The following SGSM1 variants were observed in gnomAD, a reference collection of about 807,000 sequenced individuals.
SGSM1 encodes the protein RUN and TBC1 domain containing 2.
In SGSM1, 73 loss-of-function variants were observed where a neutral mutation model predicts 133.8. The ratio of observed to expected loss-of-function variants is 0.55; its 90% CI spans 0.45 to 0.66. SGSM1 has a LOEUF of 0.66. Ranked by LOEUF, SGSM1 falls within the 30% of genes least tolerant of loss-of-function variation. The pLI is 0.00. For synonymous variants in SGSM1, 563 were observed against 573.0 expected (o/e 0.98, Z 0.25); for missense variants, 1,213 against 1,448.1 (o/e 0.84, Z 2.64).
Position 24,886,591 on chromosome 22 carries a change from C to G in SGSM1, c.1642-9C>G, listed in dbSNP as rs1170044033. ...GACCAAACTCTTTGCTCCTCTCCAC[C>G]CACCACAGAGTTACGAGGAGCAGGA... On this transcript the variant is annotated splice_polypyrimidine_tract_variant and intron_variant, in intron 15 of 24. Coordinates refer to ENST00000400358, the MANE Select transcript of SGSM1 (RefSeq NM_001098497.3). 3 of 1,551,558 alleles carry G rather than the reference C, an allele frequency of 1.9e-6. No homozygotes were observed. Among genetic ancestry groups the G allele is most frequent in the Non-Finnish European group, 2.6e-6 (3 of 1,146,902 alleles).
At chr22:24,873,465 A>G (rs898435458) in intron 12 of SGSM1, among the ~76,000 whole-genome samples, 1 of 152,010 alleles carries the variant, frequency 6.6e-6, no homozygotes, top group Non-Finnish European at 1.5e-5. Flanking sequence ...AGTGTCTCCA[A>G]ACATCAACAG....
At chr22:24,845,501 T>C (rs1478493760) in intron 3 of SGSM1, among the ~76,000 whole-genome samples, 1 of 152,172 alleles carries the variant, frequency 6.6e-6, no homozygotes, top group Non-Finnish European at 1.5e-5. Context: ...ACTTTGAGAA[T>C]GGCTAGAGAT....
At chr22:24,817,641 G>A (rs1302600568) in intron 2 of SGSM1, among the ~76,000 whole-genome samples, 3 of 152,080 alleles carry the variant, frequency 2.0e-5, no homozygotes, top group African/African-American at 2.4e-5. Flanking sequence ...GTGAGCCACC[G>A]CTCCCGGCCA....
chr22:24,823,927 A>G (rs1928642635), intron 2 of SGSM1, among the ~76,000 whole-genome samples: 1 of 152,244 alleles, frequency 6.6e-6, no homozygotes, highest in Non-Finnish European at 1.5e-5. Context: ...AAATAAATAA[A>G]TGTATTATCT....
intron 2 of SGSM1, among the ~76,000 whole-genome samples, chr22:24,827,247 G>A (rs968352547): frequency 6.6e-6 from 1 of 152,148 alleles, no homozygotes; most frequent in Non-Finnish European, 1.5e-5. Flanking sequence ...GAGAAGACAG[G>A]GCAGGCCCAG....
chr22:24,822,814 T>G (rs574402242), intron 2 of SGSM1, among the ~76,000 whole-genome samples: 1 of 152,330 alleles, frequency 6.6e-6, no homozygotes, highest in South Asian at 2.1e-4. Context: ...GCAAGAGACT[T>G]TGATTTAAGT....
intron 14 of SGSM1, among the ~76,000 whole-genome samples, chr22:24,883,477 A>G (rs561298959): frequency 6.6e-6 from 1 of 152,170 alleles, no homozygotes; most frequent in Non-Finnish European, 1.5e-5. Flanking sequence ...CTAGCCTATG[A>G]ATTAAATGCT....
At chr22:24,860,922 A>AATATATATATATATATATATAT (rs1555926665) in intron 9 of SGSM1, among the ~76,000 whole-genome samples, 19 of 37,600 alleles carry the variant, frequency 5.1e-4, no homozygotes, top group Admixed American at 1.4e-3. Flanking sequence ...AAAAAAAAAA[A>AATATATATATATATATATATAT]ATATATATAT....
chr22:24,845,087 G>A, intron 3 of SGSM1, 115 bp downstream of exon 3: 1 of 919,430 alleles, frequency 1.1e-6, no homozygotes, highest in Admixed American at 2.4e-5. Flanking sequence ...GATTCCAGAG[G>A]GGGACTCGAT....
In SGSM1 at chr22:24,806,424, C is replaced by G. The variant is rs1264339977; in HGVS notation, c.20-17C>G. 6.6e-7 allele frequency: 1 copy of G among 1,523,280 alleles called. No homozygotes were observed. The highest frequency in any genetic ancestry group is 8.8e-7 in the Non-Finnish European group (1 of 1,135,048). 94.4% of individuals were successfully genotyped at this position (1,523,280 alleles called of 1,614,324 possible). On this transcript the variant is annotated splice_polypyrimidine_tract_variant and intron_variant, in intron 1 of 24. Transcript: ENST00000400358. ...CCTCTCTCGGCTGACCCGCGGCTCT[C>G]GTTTCTTGTCCCACAGAGGCGGAGA...
intron 5 of SGSM1, among the ~76,000 whole-genome samples, chr22:24,852,496 T>A (rs748593359): frequency 6.6e-6 from 1 of 152,154 alleles, no homozygotes; most frequent in Non-Finnish European, 1.5e-5. Flanking sequence ...CAGGTTGGAG[T>A]AGAATGGTGT....
At chr22:24,901,373 A>G (rs562296668) in intron 19 of SGSM1, among the ~76,000 whole-genome samples, 2 of 151,968 alleles carry the variant, frequency 1.3e-5, no homozygotes, top group Admixed American at 1.3e-4. Context: ...CTAAGCTTAA[A>G]TTTTCCCACT....
At chr22:24,855,731 T>C in intron 8 of SGSM1, 51 bp downstream of exon 8, 1 of 1,613,732 alleles carries the variant, frequency 6.2e-7, no homozygotes, top group Non-Finnish European at 8.5e-7. Flanking sequence ...TCACTCCAGG[T>C]TATAGAGGAA....
intron 12 of SGSM1, 58 bp downstream of exon 12, chr22:24,868,913 C>T: frequency 6.3e-7 from 1 of 1,581,516 alleles, no homozygotes. Context: ...CTGAAAATGA[C>T]TCCAGGTGTT....
intron 24 of SGSM1, among the ~76,000 whole-genome samples, chr22:24,921,140 C>A (rs1452211346): frequency 2.0e-5 from 3 of 151,534 alleles, no homozygotes; most frequent in Non-Finnish European, 4.4e-5. Context: ...CACTCTGTTA[C>A]CCGCGCTGGA....
At chr22:24,847,835 C>A (rs778069475) in intron 4 of SGSM1, 39 bp downstream of exon 4, 4 of 1,601,712 alleles carry the variant, frequency 2.5e-6, no homozygotes, top group East Asian at 2.2e-5. Context: ...GAGCAGCTCC[C>A]CCAATAGTCC....
At chr22:24,911,004 A>C (rs1933596739) in intron 21 of SGSM1, among the ~76,000 whole-genome samples, 1 of 152,066 alleles carries the variant, frequency 6.6e-6, no homozygotes, top group Non-Finnish European at 1.5e-5. Flanking sequence ...CTGTAACCTC[A>C]GCACTTTGGG....
chr22:24,873,441 G>A (rs778987994), intron 12 of SGSM1, among the ~76,000 whole-genome samples: 17 of 152,020 alleles, frequency 1.1e-4, no homozygotes, highest in Non-Finnish European at 2.4e-4. Context: ...AATCCCCAAG[G>A]CGTGAAAACC....
rs990953431 is a variant in SGSM1, at chr22:24,924,355, A to T, written c.*81A>T. 6.3e-6 allele frequency: 8 copies of T among 1,272,654 alleles called. No homozygotes were observed. Among genetic ancestry groups the T allele is most frequent in the Non-Finnish European group, 7.9e-6 (7 of 882,876 alleles). 78.8% of individuals were successfully genotyped at this position (1,272,654 alleles called of 1,614,324 possible). On this transcript the variant is annotated 3_prime_UTR_variant, in exon 25 of 25. Coordinates refer to ENST00000400358, the MANE Select transcript of SGSM1 (RefSeq NM_001098497.3). ...TACTTTTCCTCCTGGCTGGATGGGC[A>T]CCCCGGGAGCGGGGTCCTGGTGTCT... is the stretch of plus-strand genomic sequence containing the variant.
Sources: gnomAD v4.1 joint callset for allele counts (sites outside exome capture counted in the v4.1 genomes callset) on GRCh38, gnomAD v4.1.1 for gene constraint, MANE v1.5 for transcripts, NCBI Gene and HGNC (gene_info 2026-07-23, HGNC 2026-07-21) for gene names.